GLIS3: variants seen among roughly 807,000 people sequenced by gnomAD.
GLIS3 encodes the protein zinc finger protein GLIS3.
Under a neutral mutation model 78.6 loss-of-function variants are expected in GLIS3, and 53 were observed. That is an observed-to-expected ratio of 0.67 (90% confidence interval 0.54 to 0.85). The LOEUF is 0.85. GLIS3 is among the 40% of genes least tolerant of loss of function. The pLI is 0.00. For missense variants in GLIS3, 1,703 were observed against 1,231.1 expected (o/e 1.38, Z -5.74); for synonymous variants, 684 against 509.9 (o/e 1.34, Z -4.60).
chr9:4,245,621 C>T (rs1187123721), intron 2 of GLIS3, among the ~76,000 whole-genome samples: 2 of 152,192 alleles, frequency 1.3e-5, no homozygotes, highest in Non-Finnish European at 2.9e-5. Flanking sequence ...AAGCAACTCC[C>T]TTAGACTCCA....
At chr9:3,844,704 C>G (rs1031099332) in intron 9 of GLIS3, among the ~76,000 whole-genome samples, 1 of 152,158 alleles carries the variant, frequency 6.6e-6, no homozygotes, top group Admixed American at 6.5e-5. Flanking sequence ...CACAGCTTGA[C>G]TGACAGGGTG....
chr9:4,094,376 C>T (rs573587609), intron 4 of GLIS3, among the ~76,000 whole-genome samples: 2 of 152,308 alleles, frequency 1.3e-5, no homozygotes, highest in South Asian at 4.1e-4. Flanking sequence ...AATCTGCCAA[C>T]ATTTCCTCTG....
At chr9:4,208,532 A>G (rs1820080247) in intron 2 of GLIS3, among the ~76,000 whole-genome samples, 1 of 152,148 alleles carries the variant, frequency 6.6e-6, no homozygotes, top group Non-Finnish European at 1.5e-5. Context: ...CCATTGCTGG[A>G]GTGGGCAGGA....
intron 2 of GLIS3, among the ~76,000 whole-genome samples, chr9:4,316,374 T>C (rs1350687810): frequency 6.6e-6 from 1 of 152,198 alleles, no homozygotes; most frequent in Non-Finnish European, 1.5e-5. Flanking sequence ...CTGACTTTAT[T>C]GCAAGTCAAC....
At chr9:3,839,247 T>C (rs1178876783) in intron 9 of GLIS3, among the ~76,000 whole-genome samples, 3 of 152,238 alleles carry the variant, frequency 2.0e-5, no homozygotes, top group Non-Finnish European at 1.5e-5. Flanking sequence ...AGTGCAAAAT[T>C]CATCCAACCA....
intron 2 of GLIS3, among the ~76,000 whole-genome samples, chr9:4,219,572 T>C (rs1821139903): frequency 6.6e-6 from 1 of 152,112 alleles, no homozygotes; most frequent in Non-Finnish European, 1.5e-5. Context: ...ATTCAAATAT[T>C]TGGAACACAG....
chr9:3,968,079 G>C (rs767806707), intron 4 of GLIS3, among the ~76,000 whole-genome samples: 3 of 152,138 alleles, frequency 2.0e-5, no homozygotes, highest in Non-Finnish European at 2.9e-5. Flanking sequence ...GAAGGTGTGG[G>C]CTAAAATACG....
At chr9:4,084,544 G>T (rs941399320) in intron 4 of GLIS3, among the ~76,000 whole-genome samples, 1 of 152,130 alleles carries the variant, frequency 6.6e-6, no homozygotes, top group Non-Finnish European at 1.5e-5. Flanking sequence ...GTGGGTGACG[G>T]AGACATGGAG....
chr9:4,426,421 T>G, the GLIS3 span, among the ~76,000 whole-genome samples: 1 of 152,248 alleles, frequency 6.6e-6, no homozygotes, highest in Non-Finnish European at 1.5e-5. Context: ...TTATTTTCAG[T>G]TTCCCAAACA....
intron 2 of GLIS3, among the ~76,000 whole-genome samples, chr9:4,280,322 G>A (rs1056381746): frequency 4.6e-5 from 7 of 152,160 alleles, no homozygotes; most frequent in Admixed American, 1.3e-4. Context: ...ATGCCAGCCT[G>A]GGCTGTATTT....
chr9:4,371,551 T>C, the GLIS3 span, among the ~76,000 whole-genome samples: 1 of 152,156 alleles, frequency 6.6e-6, no homozygotes, highest in African/African-American at 2.4e-5. Flanking sequence ...GACTTGCCAA[T>C]GGGGACACCC....
chr9:4,462,454 A>T, the GLIS3 span, among the ~76,000 whole-genome samples: 8 of 152,116 alleles, frequency 5.3e-5, no homozygotes, highest in African/African-American at 1.9e-4. Flanking sequence ...CAGATCAGAG[A>T]GTTAAAAAGA....
intron 2 of GLIS3, among the ~76,000 whole-genome samples, chr9:4,167,807 C>A (rs186048452): frequency 1.1e-4 from 16 of 152,298 alleles, no homozygotes; most frequent in African/African-American, 3.8e-4. Context: ...GAGGGACTGA[C>A]TGGTTTACAC....
chr9:4,233,509 T>C (rs1177261063), intron 2 of GLIS3, among the ~76,000 whole-genome samples: 1 of 152,220 alleles, frequency 6.6e-6, no homozygotes, highest in African/African-American at 2.4e-5. Flanking sequence ...TTTTGAGCAG[T>C]AGGTCTCAAC....
intron 2 of GLIS3, among the ~76,000 whole-genome samples, chr9:4,195,736 C>A (rs927161287): frequency 6.6e-6 from 1 of 152,284 alleles, no homozygotes; most frequent in African/African-American, 2.4e-5. Context: ...GCCAGCTGGG[C>A]TCCTGAGTCG....
the GLIS3 span, among the ~76,000 whole-genome samples, chr9:4,485,176 A>G: frequency 4.7e-4 from 71 of 151,816 alleles, no homozygotes; most frequent in African/African-American, 1.7e-3. Context: ...GACCATGCCC[A>G]GCTAATTTTT....
the GLIS3 span, among the ~76,000 whole-genome samples, chr9:4,450,219 G>A: frequency 2.6e-5 from 4 of 152,124 alleles, no homozygotes; most frequent in Admixed American, 6.6e-5. Context: ...TTCAATAGCC[G>A]ATTCAATCAA....
At chr9:4,264,137 C>T (rs1825770171) in intron 2 of GLIS3, among the ~76,000 whole-genome samples, 2 of 152,196 alleles carry the variant, frequency 1.3e-5, no homozygotes, top group Admixed American at 1.3e-4. Flanking sequence ...TCTCTGACCC[C>T]CAATTCCAGA....
chr9:4,332,491 T>C (rs1226726209), intron 2 of GLIS3, among the ~76,000 whole-genome samples: 1 of 152,204 alleles, frequency 6.6e-6, no homozygotes, highest in East Asian at 1.9e-4. Flanking sequence ...CCACTTACTT[T>C]TGTCTTCCTC....
Sources: gnomAD v4.1 joint callset for allele counts (sites outside exome capture counted in the v4.1 genomes callset) on GRCh38, gnomAD v4.1.1 for gene constraint, MANE v1.5 for transcripts, NCBI Gene and HGNC (gene_info 2026-07-23, HGNC 2026-07-21) for gene names.